The following CEP290 variants were observed in gnomAD, a reference collection of about 807,000 sequenced individuals.
CEP290 encodes centrosomal protein of 290 kDa.
In CEP290, 317 loss-of-function variants were observed where a neutral mutation model predicts 344.9. The observed-to-expected ratio is 0.92, with a 90% CI of 0.84 to 1.01. CEP290 has a LOEUF of 1.01. Among genes scored for constraint, CEP290 ranks in the 50% least tolerant of loss-of-function variants. The probability of loss-of-function intolerance (pLI) is 0.00; values close to 1 mark genes in which losing one functional copy is unlikely to be tolerated. For synonymous variants in CEP290, 932 were observed against 895.8 expected (o/e 1.04, Z -0.72); for missense variants, 2,754 against 2,761.4 (o/e 1.00, Z 0.06).
In CEP290 at chr12:88,083,837, A is replaced by T; in HGVS notation, c.4812+10T>A. The T allele has an allele frequency of 6.7e-7, 1 of 1,496,756 alleles. No homozygotes were observed. The highest frequency in any genetic ancestry group is 9.1e-7 in the Non-Finnish European group (1 of 1,095,544). 92.7% of individuals were successfully genotyped at this position (1,496,756 alleles called of 1,614,324 possible). A position where few individuals can be genotyped will look rare whatever the true frequency, so the allele number is the denominator to read the frequency against. ...CAATAAAGAATGGAACAAAGTTCTT[A>T]GAATCTTACCCAAGCCGTTTGTTTG... is the stretch of plus-strand genomic sequence containing the variant. On this transcript the variant is annotated intron_variant, in intron 36 of 53. Coordinates refer to ENST00000552810, the MANE Select transcript of CEP290 (RefSeq NM_025114.4).
chr12:88,070,931 T>C (rs531726117), intron 43 of CEP290, among the ~76,000 whole-genome samples: 2 of 152,202 alleles, frequency 1.3e-5, no homozygotes, highest in East Asian at 1.9e-4. Context: ...TCACCTATTG[T>C]GAGGTACACA....
At chr12:88,088,913 G>T in intron 31 of CEP290, 119 bp downstream of exon 31, 1 of 579,460 alleles carries the variant, frequency 1.7e-6, no homozygotes, top group Non-Finnish European at 2.8e-6. Flanking sequence ...TCAGGAGGCT[G>T]AGGCTAGAGA....
intron 25 of CEP290, among the ~76,000 whole-genome samples, 159 bp downstream of exon 25, chr12:88,106,516 A>G (rs1188585715): frequency 6.6e-6 from 1 of 152,164 alleles, no homozygotes; most frequent in Non-Finnish European, 1.5e-5. Flanking sequence ...GAATGTCTGC[A>G]ATTCAAACAT....
Position 88,084,616 on chromosome 12 carries a change from C to A in CEP290, c.4674G>T (p.Lys1558Asn). 6.2e-7 allele frequency: 1 copy of A among 1,612,194 alleles called. No individual in the cohort carries two copies. Among genetic ancestry groups the A allele is most frequent in the Non-Finnish European group, 8.5e-7 (1 of 1,178,530 alleles). ...TGGCTTTTTCTAGAAGACGTTGATA[C>A]TTCTTTAATACTTCTTCTTTTTGAT... Reference protein sequence around the residue: ...RLNQKEEVLKKYQRLLEKARE... With the variant: ...RLNQKEEVLKNYQRLLEKARE... The change falls in exon 35 of 54, where the codon AAG becomes AAT. Residue 1558 changes from lysine (K) to asparagine (N), a missense_variant. Physicochemically the swap from Lys to Asn is moderately conservative, Grantham distance 94. Transcript: ENST00000552810.
intron 6 of CEP290, 128 bp downstream of exon 6, chr12:88,136,515 C>T (rs2040360444): frequency 7.8e-6 from 7 of 896,002 alleles, no homozygotes; most frequent in Non-Finnish European, 1.0e-5. Context: ...TGATATAAAA[C>T]CTTAGAGATA....
At chr12:88,115,455 T>C in intron 18 of CEP290, 4 of 1,294,460 alleles carry the variant, frequency 3.1e-6, no homozygotes, top group Non-Finnish European at 3.0e-6. Context: ...ATCATCTCTT[T>C]TAATGTTCTG....
chr12:88,089,513 G>A lies in CEP290; in HGVS notation c.3574-26C>T, dbSNP rs1322196564. The A allele has an allele frequency of 2.2e-6, 3 of 1,374,790 alleles. No individual in the cohort carries two copies. The African/African-American group carries it at 4.4e-5, about 20-fold the overall frequency. The allele number at this position is 1,374,790 out of a possible 1,614,324, so 85.2% of individuals were successfully genotyped here. On this transcript the variant is annotated intron_variant, in intron 30 of 53. Transcript: ENST00000552810. ...CTGATATTAAAAAAAATATATATTT[G>A]TAGTAAGTTTCAAATTTTTCCAGTG...
At chr12:88,068,747 A>T in intron 43 of CEP290, 102 bp from the exon 44 acceptor site, 1 of 1,132,470 alleles carries the variant, frequency 8.8e-7, no homozygotes, top group South Asian at 1.6e-5. Flanking sequence ...CAGTGTGTTT[A>T]TTAACACTAT....
chr12:88,080,854 AAAG>A (rs2036147360), intron 37 of CEP290, among the ~76,000 whole-genome samples: 3 of 152,242 alleles, frequency 2.0e-5, no homozygotes, highest in Non-Finnish European at 4.4e-5. Flanking sequence ...ATCCAAATCC[AAAG>A]AAGAATAATT....
At chr12:88,075,134 G>A (rs994365819) in intron 41 of CEP290, among the ~76,000 whole-genome samples, 1 of 152,104 alleles carries the variant, frequency 6.6e-6, no homozygotes, top group Non-Finnish European at 1.5e-5. Context: ...TGAATTGGAC[G>A]ACACCCAGTT....
chr12:88,079,909 T>C (rs988245546), intron 38 of CEP290, among the ~76,000 whole-genome samples: 15 of 152,144 alleles, frequency 9.9e-5, no homozygotes, highest in African/African-American at 3.4e-4. Flanking sequence ...ATATATATTA[T>C]ATTTTTGTAA....
At chr12:88,113,922 G>A (rs2038876139) in intron 20 of CEP290, among the ~76,000 whole-genome samples, 3 of 151,936 alleles carry the variant, frequency 2.0e-5, no homozygotes, top group Non-Finnish European at 2.9e-5. Context: ...ATGAACAAAA[G>A]CAAGCAGATT....
In CEP290 at chr12:88,060,025, TA is replaced by T; in HGVS notation, c.6523-6del. ...TTTAAGTTTTTCTAATTCAGCCTAG[TA>T]AAAAAACAAACAAAATAAAAAGTAT... On this transcript the variant is annotated splice_region_variant and splice_polypyrimidine_tract_variant and intron_variant, in intron 47 of 53. Transcript: ENST00000552810. The T allele has an allele frequency of 6.5e-7, 1 of 1,530,742 alleles. No individual in the cohort carries two copies. The highest frequency in any genetic ancestry group is 2.3e-5 in the Admixed American group (1 of 43,408). 94.8% of individuals were successfully genotyped at this position (1,530,742 alleles called of 1,614,324 possible). A position where few individuals can be genotyped will look rare whatever the true frequency, so the allele number is the denominator to read the frequency against.
chr12:88,069,550 T>C (rs571971459), intron 43 of CEP290, among the ~76,000 whole-genome samples: 2 of 152,282 alleles, frequency 1.3e-5, no homozygotes, highest in African/African-American at 4.8e-5. Flanking sequence ...AGAGTAACTA[T>C]AAACAGATGT....
At chr12:88,114,650 C>G in intron 19 of CEP290, 88 bp from the exon 20 acceptor site, 1 of 1,061,202 alleles carries the variant, frequency 9.4e-7, no homozygotes, top group South Asian at 1.8e-5. Flanking sequence ...TTCACATATA[C>G]CAAAGACATC....
intron 47 of CEP290, 121 bp downstream of exon 47, chr12:88,060,709 T>A: frequency 1.5e-6 from 1 of 675,290 alleles, no homozygotes; most frequent in Non-Finnish European, 2.3e-6. Context: ...TCTATATTTA[T>A]AAAATATGTA....
At chr12:88,051,036 T>C (rs187034210) in intron 52 of CEP290, among the ~76,000 whole-genome samples, 4 of 152,236 alleles carry the variant, frequency 2.6e-5, no homozygotes, top group Admixed American at 6.5e-5. Flanking sequence ...AGCAGGCAAA[T>C]AGGATTTTTG....
chr12:88,058,679 A>T, intron 49 of CEP290, 169 bp downstream of exon 49: 1 of 696,930 alleles, frequency 1.4e-6, no homozygotes, highest in Non-Finnish European at 2.4e-6. Context: ...TCAAGGAAGA[A>T]AAAGTCTCCA....
In CEP290 at chr12:88,080,263, A is replaced by C. The variant is rs568619750; in HGVS notation, c.5145T>G (p.Asn1715Lys). 3.3e-5 allele frequency: 54 copies of C among 1,613,258 alleles called. 2 individuals are homozygous for C. In the South Asian group the frequency reaches 5.9e-4, roughly 18 times the overall value. ...KSELQAQKEA[N>K]SRAPTTTMRN... ...TCATTGTAGTTGTTGGAGCTCTTGA[A>C]TTTGCTTCTTTTTGAGCCTGAAGTT... The change falls in exon 38 of 54, where the codon AAT becomes AAG. Residue 1715 changes from asparagine (N) to lysine (K), a missense_variant. By Grantham distance (94) the Asn-to-Lys change is moderately conservative. Transcript: ENST00000552810.
Sources: gnomAD v4.1 joint callset for allele counts (sites outside exome capture counted in the v4.1 genomes callset) on GRCh38, gnomAD v4.1.1 for gene constraint, MANE v1.5 for transcripts, NCBI Gene and HGNC (gene_info 2026-07-23, HGNC 2026-07-21) for gene names.